Variants in PTBP1 observed in about 807,000 individuals in gnomAD.
PTBP1 encodes polypyrimidine tract-binding protein 1.
Under a neutral mutation model 59.8 loss-of-function variants are expected in PTBP1, and 8 were observed. That is an observed-to-expected ratio of 0.13 (90% CI 0.08 to 0.24). The LOEUF is 0.24. PTBP1 is among the 10% of genes least tolerant of loss of function. The pLI, the probability that PTBP1 is intolerant of heterozygous loss-of-function variation, is 1.00. For synonymous variants in PTBP1, 490 were observed against 320.7 expected (o/e 1.53, Z -5.64); for missense variants, 686 against 767.0 (o/e 0.89, Z 1.25).
chr19:804,005 G>T, intron 3 of PTBP1, 31 bp from the exon 4 acceptor site: 1 of 1,613,194 alleles, frequency 6.2e-7, no homozygotes, highest in Non-Finnish European at 8.5e-7. Context: ...CTGCGAGTTG[G>T]TGCCTGCATC....
Position 810,549 on chromosome 19 carries a change from A to T in PTBP1, c.1470A>T (p.Ser490=). The part of the protein sequence containing the change: ...ATLHLSNIPP[S]VSEEDLKVLF... Reference sequence around the variant, plus strand: ...CGCCTTTCTCCTCCCACAGGCCCTCAGTCTCCGAGGAGGATCTCAAGGTCC... The same window carrying T: ...CGCCTTTCTCCTCCCACAGGCCCTCTGTCTCCGAGGAGGATCTCAAGGTCC... The change falls in exon 14 of 15, where the codon TCA becomes TCT. Residue 490 remains serine (S), a synonymous_variant. Transcript: ENST00000356948. The T allele has an allele frequency of 6.2e-7, 1 of 1,613,162 alleles. No individual in the cohort carries two copies. Among genetic ancestry groups the T allele is most frequent in the Non-Finnish European group, 8.5e-7 (1 of 1,179,706 alleles).
rs1315966432 is a variant in PTBP1 at position 804,109 on chromosome 19, C to T, written c.189C>T (p.Ile63=). 1.9e-6 allele frequency: 3 copies of T among 1,613,858 alleles called. No individual in the cohort carries two copies. Among genetic ancestry groups the T allele is most frequent in the African/African-American group, 2.7e-5 (2 of 74,910 alleles). Residue 63 remains isoleucine, a synonymous_variant, in exon 4 of 15, where the codon ATC becomes ATT. Transcript: ENST00000356948. The part of the protein sequence containing the change: ...SAGVPSRVIH[I]RKLPIDVTEG... ...GCGTCCCCTCTAGAGTGATCCACAT[C>T]CGGAAGCTCCCCATCGACGTCACGG...
rs367594143 is a variant in PTBP1 at position 797,520 on chromosome 19, G to A, written c.8+15G>A. The A allele has an allele frequency of 6.6e-6, 10 of 1,506,966 alleles. No homozygotes were observed. The highest frequency in any genetic ancestry group is 7.9e-6 in the Non-Finnish European group (9 of 1,133,334). The allele number at this position is 1,506,966 out of a possible 1,614,324, so 93.3% of individuals were successfully genotyped here. ...GCCATGGACGGGTGAGTCGCACGTC[G>A]CCCCGCGCCCCACCGCCCTCCCCGC... On this transcript the variant is annotated intron_variant, in intron 1 of 14. Coordinates refer to ENST00000356948, the MANE Select transcript of PTBP1 (RefSeq NM_002819.5).
chr19:803,707 C>G (rs1413587186), intron 3 of PTBP1, 71 bp downstream of exon 3: 5 of 1,374,486 alleles, frequency 3.6e-6, no homozygotes, highest in East Asian at 2.3e-5. Context: ...CGTTCTTGTT[C>G]TGGGACTCTA....
rs2034606720 is a variant in PTBP1, at chr19:806,892, C to G, written c.1119+336C>G. The G allele has an allele frequency of 1.4e-5, 3 of 218,874 alleles. No homozygotes were observed. In the South Asian group the frequency reaches 4.4e-4, roughly 32 times the overall value. 13.6% of individuals were successfully genotyped at this position (218,874 alleles called of 1,614,324 possible). A position where few individuals can be genotyped will look rare whatever the true frequency, so the allele number is the denominator to read the frequency against. ...CCGCCCTGCTGGTCAGCGGGACACACAGGGTTAGCGCGGCGGGGTGTGGGC... is the reference window on the plus strand; with the variant it reads ...CCGCCCTGCTGGTCAGCGGGACACAGAGGGTTAGCGCGGCGGGGTGTGGGC... On this transcript the variant is annotated intron_variant, in intron 10 of 14. Coordinates refer to ENST00000356948, the MANE Select transcript of PTBP1 (RefSeq NM_002819.5).
Position 808,809 on chromosome 19 carries a change from C to T in PTBP1, c.1463+47C>T, listed in dbSNP as rs749908871. 1.9e-6 allele frequency: 3 copies of T among 1,543,336 alleles called. No homozygotes were observed. The highest frequency in any genetic ancestry group is 1.4e-5 in the African/African-American group (1 of 73,032). On this transcript the variant is annotated intron_variant, in intron 13 of 14. Transcript: ENST00000356948. This position sits in a 1 kb window ranked among gnomAD's most constrained non-coding sequence, Gnocchi z 4.7. ...TCATGGGGCCGGGGGCGGGCAAGGG[C>T]TCTGCTTGGCTGTCCTACCGCGTCG...
In PTBP1 at chr19:808,005, C is replaced by T. The variant is rs763004528; in HGVS notation, c.1153+103C>T. ...TTTGCGGTTTGGCACTCTGATGCTCCGTGGCATCCGCCTCGTTTTATGGTT... is the reference window on the plus strand; with the variant it reads ...TTTGCGGTTTGGCACTCTGATGCTCTGTGGCATCCGCCTCGTTTTATGGTT... On this transcript the variant is annotated intron_variant, in intron 11 of 14. Transcript: ENST00000356948. The surrounding 1 kb of genome is among the most constrained non-coding windows in gnomAD (Gnocchi z 4.7). The T allele has an allele frequency of 1.4e-5, 15 of 1,048,364 alleles. No individual in the cohort carries two copies. Among genetic ancestry groups the T allele is most frequent in the Non-Finnish European group, 1.9e-5 (13 of 670,512 alleles). 64.9% of individuals were successfully genotyped at this position (1,048,364 alleles called of 1,614,324 possible).
At chr19:806,627 G>T in intron 10 of PTBP1, 71 bp downstream of exon 10, 1 of 1,396,144 alleles carries the variant, frequency 7.2e-7, no homozygotes, top group African/African-American at 1.5e-5. Flanking sequence ...GCTCGGGCTC[G>T]GGTCCCGGAG....
chr19:805,322 C>T (rs558646789), intron 8 of PTBP1, 135 bp downstream of exon 8: 231 of 1,227,176 alleles, frequency 1.9e-4, no homozygotes, highest in South Asian at 2.3e-4. Context: ...CAGCACAGCA[C>T]GGTCCAGTGT....
rs977376750 is a variant in PTBP1 at position 811,633 on chromosome 19, A to T, written c.*807A>T. The T allele has an allele frequency of 6.6e-6, 1 of 152,334 alleles. No homozygotes were observed. The highest frequency in any genetic ancestry group is 1.5e-5 in the Non-Finnish European group (1 of 68,032). 9.4% of individuals were successfully genotyped at this position (152,334 alleles called of 1,614,324 possible). Reference sequence around the variant, plus strand: ...TGTTACTTTTATTTTATTCCTTGTAATTAAGTCACAGGCAGGACCCAGTTT... The same window carrying T: ...TGTTACTTTTATTTTATTCCTTGTATTTAAGTCACAGGCAGGACCCAGTTT... On this transcript the variant is annotated 3_prime_UTR_variant, in exon 15 of 15. Transcript: ENST00000356948.
At chr19:800,912 G>A (rs915463203) in intron 2 of PTBP1, among the ~76,000 whole-genome samples, 2 of 152,100 alleles carry the variant, frequency 1.3e-5, no homozygotes, top group Non-Finnish European at 2.9e-5. Context: ...GCCAGGACTT[G>A]AAGCCTGCGG....
At chr19:802,724 C>T (rs529664463) in intron 2 of PTBP1, among the ~76,000 whole-genome samples, 16 of 152,244 alleles carry the variant, frequency 1.1e-4, no homozygotes, top group Admixed American at 3.3e-4. Flanking sequence ...CCAACGTCTC[C>T]TCCAATTTCA....
rs777786718 is a variant in PTBP1 at position 810,794 on chromosome 19, C to G, written c.1642C>G (p.Leu548Val). Residue 548 changes from leucine to valine, a missense_variant, in exon 15 of 15, where the codon CTG (leucine) becomes GTG (valine). By Grantham distance (32) the Leu-to-Val change is conservative (BLOSUM62 1). Transcript: ENST00000356948. ...HNHDLGENHH[L>V]RVSFSKSTI ...CCACGACCTCGGGGAGAACCACCAC[C>G]TGCGGGTCTCCTTCTCCAAGTCCAC... 9 of 1,593,902 alleles carry G rather than the reference C, an allele frequency of 5.6e-6. No homozygotes were observed. The highest frequency in any genetic ancestry group is 7.7e-6 in the Non-Finnish European group (9 of 1,173,534).
At chr19:809,419 C>T (rs1271598419) in intron 13 of PTBP1, among the ~76,000 whole-genome samples, 2 of 152,006 alleles carry the variant, frequency 1.3e-5, no homozygotes, top group South Asian at 2.1e-4. Context: ...TGGGTTCATG[C>T]CACTCTGCTG....
At chr19:810,445 C>T (rs10426392) in intron 13 of PTBP1, 98 bp from the exon 14 acceptor site, 256,750 of 1,018,482 alleles carry the variant, frequency 0.25, 34,785 homozygotes, top group Admixed American at 0.41. Flanking sequence ...ACGCCTTCCC[C>T]GGCTACTCTG....
intron 2 of PTBP1, among the ~76,000 whole-genome samples, chr19:801,783 G>A: frequency 6.6e-6 from 1 of 152,178 alleles, no homozygotes; most frequent in African/African-American, 2.4e-5. Context: ...GCACTGCTGT[G>A]TTTTCTGATC....
chr19:806,507 T>C lies in PTBP1; in HGVS notation c.1070T>C (p.Leu357Pro). 2 of 1,569,620 alleles carry C rather than the reference T, an allele frequency of 1.3e-6. No homozygotes were observed. Among genetic ancestry groups the C allele is most frequent in the Non-Finnish European group, 1.7e-6 (2 of 1,160,910 alleles). Residue 357 changes from leucine to proline, a missense_variant, in exon 10 of 15, where the codon CTG becomes CCG. By Grantham distance (98) the Leu-to-Pro change is moderately conservative. Coordinates refer to ENST00000356948, the MANE Select transcript of PTBP1 (RefSeq NM_002819.5). Reference protein sequence around the residue: ...AAAGRIAIPGLAGAGNSVLLV... With the variant: ...AAAGRIAIPGPAGAGNSVLLV... ...GCAGGTCGGATCGCCATCCCGGGCC[T>C]GGCGGGGGCAGGAAATTCTGTATTG...
rs1599241639 is a variant in PTBP1, at chr19:808,848, T to C, written c.1463+86T>C. ...CCTACCGCGTCGGTGTGTGGACTTC[T>C]GGCGTTTCCAGAGTGCAGGTCGGGC... On this transcript the variant is annotated intron_variant, in intron 13 of 14. Transcript: ENST00000356948. The surrounding 1 kb of genome is among the most constrained non-coding windows in gnomAD (Gnocchi z 4.7). 1.5e-6 allele frequency: 2 copies of C among 1,328,480 alleles called. No individual in the cohort carries two copies. The highest frequency in any genetic ancestry group is 2.0e-5 in the Admixed American group (1 of 49,852). The allele number at this position is 1,328,480 out of a possible 1,614,324, so 82.3% of individuals were successfully genotyped here.
rs989861495 is a variant in PTBP1, at chr19:811,618, A to G, written c.*792A>G. 1.3e-5 allele frequency: 2 copies of G among 152,348 alleles called. No individual in the cohort carries two copies. Among genetic ancestry groups the G allele is most frequent in the African/African-American group, 2.4e-5 (1 of 41,446 alleles). The allele number at this position is 152,348 out of a possible 1,614,324, so 9.4% of individuals were successfully genotyped here. ...TATTACCTTGTATGCTGTTACTTTT[A>G]TTTTATTCCTTGTAATTAAGTCACA... is the stretch of plus-strand genomic sequence containing the variant. On this transcript the variant is annotated 3_prime_UTR_variant, in exon 15 of 15. Coordinates refer to ENST00000356948, the MANE Select transcript of PTBP1 (RefSeq NM_002819.5).
Sources: gnomAD v4.1 joint callset for allele counts (sites outside exome capture counted in the v4.1 genomes callset) on GRCh38, gnomAD v4.1.1 for gene constraint, Gnocchi (gnomAD v3.1) non-coding constraint, MANE v1.5 for transcripts, NCBI Gene and HGNC (gene_info 2026-07-23, HGNC 2026-07-21) for gene names.